PDE11A: variants seen among roughly 807,000 people sequenced by gnomAD.
PDE11A encodes phosphodiesterase 11A, also known as dual 3',5'-cyclic-AMP and -GMP phosphodiesterase 11A.
A neutral mutation model predicts 100.5 loss-of-function variants in PDE11A; 100 were observed. The observed-to-expected ratio is 1.00, with a 90% CI of 0.85 to 1.18. The LOEUF (loss-of-function observed/expected upper bound fraction) is 1.18, where lower values mean the gene tolerates loss of function less well. Among genes scored for constraint, PDE11A ranks in the 50% most tolerant of loss-of-function variants. PDE11A has a pLI of 0.00. For missense variants in PDE11A, 1,141 were observed against 1,152.6 expected (o/e 0.99, Z 0.15); for synonymous variants, 381 against 420.8 (o/e 0.91, Z 1.16).
chr2:177,900,544 C>T (rs572674770), intron 3 of PDE11A, among the ~76,000 whole-genome samples: 3 of 152,224 alleles, frequency 2.0e-5, no homozygotes, highest in East Asian at 3.9e-4. Flanking sequence ...TCACATGAGG[C>T]CATGAGTTCT....
intron 9 of PDE11A, among the ~76,000 whole-genome samples, chr2:177,779,317 G>A (rs1022194780): frequency 1.3e-5 from 2 of 152,156 alleles, no homozygotes; most frequent in Non-Finnish European, 2.9e-5. Flanking sequence ...AGATCAGTGC[G>A]GTGGTTGCTG....
intron 2 of PDE11A, among the ~76,000 whole-genome samples, chr2:178,079,100 A>G (rs1419741240): frequency 6.6e-6 from 1 of 152,234 alleles, no homozygotes; most frequent in Non-Finnish European, 1.5e-5. Flanking sequence ...CTAACAATAG[A>G]ACAAAAGGAG....
At chr2:178,049,007 CCTA>C (rs2086787834) in intron 1 of PDE11A, among the ~76,000 whole-genome samples, 4 of 152,034 alleles carry the variant, frequency 2.6e-5, no homozygotes, top group African/African-American at 9.7e-5. Context: ...GTGCTTGTTT[CCTA>C]ATCTATGAAA....
intron 2 of PDE11A, among the ~76,000 whole-genome samples, chr2:177,912,430 A>G (rs2084895531): frequency 6.6e-6 from 1 of 152,264 alleles, no homozygotes; most frequent in Non-Finnish European, 1.5e-5. Flanking sequence ...TAGCATCAAC[A>G]TCTATTCTCT....
intron 2 of PDE11A, among the ~76,000 whole-genome samples, chr2:177,920,333 GA>G (rs760314285): frequency 7.4e-5 from 11 of 148,222 alleles, no homozygotes; most frequent in South Asian, 2.1e-4. Flanking sequence ...GAAAAAATCA[GA>G]AAAAAAAATA....
chr2:177,709,284 G>T (rs184112582), intron 13 of PDE11A, among the ~76,000 whole-genome samples: 1 of 152,220 alleles, frequency 6.6e-6, no homozygotes, highest in African/African-American at 2.4e-5. Context: ...TTATTCTGGA[G>T]TGCCAAGCAG....
intron 2 of PDE11A, among the ~76,000 whole-genome samples, chr2:177,982,503 G>A (rs2085894608): frequency 1.3e-5 from 2 of 150,326 alleles, no homozygotes; most frequent in African/African-American, 4.8e-5. Flanking sequence ...GGCCAGTAGG[G>A]GATACGACAC....
intron 2 of PDE11A, among the ~76,000 whole-genome samples, chr2:177,946,059 T>G (rs1238081642): frequency 6.6e-4 from 44 of 66,688 alleles, no homozygotes; most frequent in East Asian, 1.3e-3. Context: ...GGTGGGGGGG[T>G]CAGCCCCCCG....
Position 178,072,387 on chromosome 2 carries a change from C to G in PDE11A, c.51G>C (p.Arg17Ser). Residue 17 changes from arginine (R) to serine (S), a missense_variant, in exon 1 of 20, where the codon AGG (arginine) becomes AGC (serine). Coordinates refer to ENST00000286063, the MANE Select transcript of PDE11A (RefSeq NM_016953.4). ...AGTAATCTTCAAACAACTCTGGGTG[C>G]CTGTCCAGGAAAGTTTCCACCTCCC... is the stretch of plus-strand genomic sequence containing the variant. ...DFGEVETFLD[R>S]HPELFEDYLM... 6.2e-7 allele frequency: 1 copy of G among 1,613,792 alleles called. No homozygotes were observed.
chr2:177,891,110 A>G (rs2695741), intron 4 of PDE11A, among the ~76,000 whole-genome samples: 82,596 of 151,998 alleles, frequency 0.54, 24,438 homozygotes, highest in East Asian at 0.74. Context: ...TCCTTATTCT[A>G]AATTTTAAGA....
At chr2:177,633,900 A>AT (rs1471228462) in intron 19 of PDE11A, among the ~76,000 whole-genome samples, 2 of 152,096 alleles carry the variant, frequency 1.3e-5, no homozygotes, top group African/African-American at 4.8e-5. Flanking sequence ...ATAAATTAGA[A>AT]TTTTTTTCTG....
intron 10 of PDE11A, among the ~76,000 whole-genome samples, chr2:177,741,920 T>C (rs1464255688): frequency 1.3e-5 from 2 of 151,968 alleles, no homozygotes; most frequent in African/African-American, 2.4e-5. Context: ...CAGTCCCAGC[T>C]ACTTGGGAGG....
intron 19 of PDE11A, among the ~76,000 whole-genome samples, chr2:177,663,168 C>T (rs78447579): frequency 0.019 from 2,852 of 151,494 alleles, 44 homozygotes; most frequent in African/African-American, 0.039. Context: ...CAGCCCTGAT[C>T]CGCACTCAAA....
At chr2:177,940,094 G>T (rs1424845185) in intron 2 of PDE11A, among the ~76,000 whole-genome samples, 1 of 152,156 alleles carries the variant, frequency 6.6e-6, no homozygotes, top group Non-Finnish European at 1.5e-5. Flanking sequence ...AACATGGGAG[G>T]AGGAGGAGGA....
At chr2:177,853,298 G>T (rs1417877185) in intron 5 of PDE11A, among the ~76,000 whole-genome samples, 2 of 151,940 alleles carry the variant, frequency 1.3e-5, no homozygotes, top group African/African-American at 4.8e-5. Context: ...AATGTTGAAG[G>T]CTGCATAGCG....
At chr2:177,792,667 G>A (rs911017436) in intron 9 of PDE11A, among the ~76,000 whole-genome samples, 2 of 152,094 alleles carry the variant, frequency 1.3e-5, no homozygotes, top group African/African-American at 4.8e-5. Context: ...GAAGTGACTC[G>A]TCACCATGGA....
intron 19 of PDE11A, among the ~76,000 whole-genome samples, chr2:177,635,005 G>A (rs529774715): frequency 6.6e-6 from 1 of 152,176 alleles, no homozygotes; most frequent in East Asian, 1.9e-4. Flanking sequence ...TTATGTATGC[G>A]GCTGCATCAG....
chr2:178,034,079 C>T (rs936831412), intron 1 of PDE11A, among the ~76,000 whole-genome samples: 4 of 151,942 alleles, frequency 2.6e-5, no homozygotes, highest in Admixed American at 2.6e-4. Flanking sequence ...GCTAAATGCC[C>T]CAATTAAAAG....
At chr2:177,940,579 A>G (rs1369016313) in intron 2 of PDE11A, among the ~76,000 whole-genome samples, 2 of 152,338 alleles carry the variant, frequency 1.3e-5, no homozygotes, top group East Asian at 1.9e-4. Context: ...TAATACCATT[A>G]TCAATTTCAT....
Sources: allele counts gnomAD v4.1 joint callset (sites outside exome capture counted in the v4.1 genomes callset), GRCh38; gene constraint gnomAD v4.1.1; transcripts MANE v1.5; gene names NCBI Gene and HGNC (gene_info 2026-07-23, HGNC 2026-07-21).